The following MEP1A variants were observed in gnomAD, a reference collection of about 807,000 sequenced individuals.
The protein encoded by MEP1A is N-benzoyl-L-tyrosyl-P-amino-benzoic acid hydrolase subunit alpha.
A neutral mutation model predicts 84.5 loss-of-function variants in MEP1A; 68 were observed. The ratio of observed to expected loss-of-function variants is 0.80; its 90% confidence interval spans 0.66 to 0.98. MEP1A has a LOEUF of 0.98. Ranked by LOEUF, MEP1A falls within the 50% of genes least tolerant of loss-of-function variation. MEP1A has a pLI of 0.00. For synonymous variants in MEP1A, 337 were observed against 336.8 expected, an observed-to-expected ratio of 1.00 and a Z score of -0.01; for missense variants, 887 against 919.9, an observed-to-expected ratio of 0.96 and a Z score of 0.46.
At chr6:46,806,993 T>C (rs1767340942) in intron 5 of MEP1A, among the ~76,000 whole-genome samples, 1 of 152,026 alleles carries the variant, frequency 6.6e-6, no homozygotes, top group Non-Finnish European at 1.5e-5. Flanking sequence ...TTTATTTTCT[T>C]ATTTTTTCAA....
intron 13 of MEP1A, among the ~76,000 whole-genome samples, chr6:46,837,000 A>C (rs1768231037): frequency 6.6e-6 from 1 of 152,044 alleles, no homozygotes; most frequent in Non-Finnish European, 1.5e-5. Context: ...AAGAGTTACC[A>C]TTTCTCCCTC....
intron 10 of MEP1A, among the ~76,000 whole-genome samples, chr6:46,830,576 A>G (rs745585513): frequency 2.0e-5 from 3 of 152,220 alleles, no homozygotes; most frequent in Non-Finnish European, 4.4e-5. Context: ...TACTTTGTTT[A>G]TAACCCTGGA....
intron 10 of MEP1A, among the ~76,000 whole-genome samples, chr6:46,832,031 G>C (rs1157928292): frequency 6.7e-6 from 1 of 148,224 alleles, no homozygotes; most frequent in Non-Finnish European, 1.5e-5. Flanking sequence ...GTTGTACTTA[G>C]AGAGAATGGC....
intron 5 of MEP1A, among the ~76,000 whole-genome samples, chr6:46,805,665 A>G (rs944666702): frequency 6.6e-6 from 1 of 151,788 alleles, no homozygotes; most frequent in Non-Finnish European, 1.5e-5. Context: ...CCTGTATGTA[A>G]TGTCTTTTTT....
At chr6:46,819,429 A>G in intron 6 of MEP1A, 100 bp from the exon 7 acceptor site, 1 of 948,974 alleles carries the variant, frequency 1.1e-6, no homozygotes. Flanking sequence ...TCTTTCTAAA[A>G]TCAAGCCTAA....
At chr6:46,805,984 C>T (rs1044787069) in intron 5 of MEP1A, among the ~76,000 whole-genome samples, 3 of 151,918 alleles carry the variant, frequency 2.0e-5, no homozygotes, top group Admixed American at 2.0e-4. Context: ...CTTTTACCAT[C>T]GCCAGTCAGC....
intron 10 of MEP1A, 46 bp downstream of exon 10, chr6:46,829,617 G>T: frequency 4.3e-6 from 6 of 1,398,288 alleles, no homozygotes; most frequent in Non-Finnish European, 6.1e-6. Flanking sequence ...TTAAAATCCG[G>T]GATCCTGCTT....
chr6:46,835,456 A>G lies in MEP1A; in HGVS notation c.1991A>G (p.His664Arg), dbSNP rs974265060. ...SVENTGPLED[H>R]NWPQYFRDPC... ...GAGAACACAGGCCCCCTGGAGGACC[A>G]TAACTGGCCACAGTACTTCAGAGAC... Residue 664 changes from histidine to arginine, a missense_variant, in exon 13 of 14, where the codon CAT becomes CGT. Coordinates refer to ENST00000230588, the MANE Select transcript of MEP1A (RefSeq NM_005588.3). The G allele has an allele frequency of 6.2e-7, 1 of 1,612,826 alleles. No homozygotes were observed. Among genetic ancestry groups the G allele is most frequent in the Non-Finnish European group, 8.5e-7 (1 of 1,179,560 alleles).
chr6:46,842,735 C>T (rs1287117360), downstream of MEP1A, among the ~76,000 whole-genome samples: 1 of 152,106 alleles, frequency 6.6e-6, no homozygotes, highest in Non-Finnish European at 1.5e-5. Context: ...TATACCCCCT[C>T]CCCTTTTAAA....
intron 5 of MEP1A, among the ~76,000 whole-genome samples, chr6:46,807,823 GAAA>G (rs1562107124): frequency 5.4e-5 from 8 of 149,012 alleles, no homozygotes; most frequent in East Asian, 3.9e-4. Flanking sequence ...AAGAAAGAAA[GAAA>G]GAAAGAAAGA....
At chr6:46,806,921 CT>C (rs1767339200) in intron 5 of MEP1A, among the ~76,000 whole-genome samples, 1 of 151,944 alleles carries the variant, frequency 6.6e-6, no homozygotes, top group African/African-American at 2.4e-5. Context: ...AATTTTCCTT[CT>C]TTTAAGAAAA....
intron 7 of MEP1A, among the ~76,000 whole-genome samples, 164 bp from the exon 8 acceptor site, chr6:46,825,107 AT>A (rs1309535346): frequency 7.0e-6 from 1 of 142,700 alleles, no homozygotes; most frequent in Non-Finnish European, 1.5e-5. Context: ...ATTTAAATAA[AT>A]CTATTTAAAT....
intron 6 of MEP1A, among the ~76,000 whole-genome samples, chr6:46,818,103 G>A (rs1376258470): frequency 6.6e-6 from 1 of 152,160 alleles, no homozygotes; most frequent in Admixed American, 6.5e-5. Context: ...ATTTTGCAGA[G>A]TAAACTCTGA....
intron 11 of MEP1A, 71 bp from the exon 12 acceptor site, chr6:46,834,507 C>G (rs1768164940): frequency 1.4e-6 from 1 of 705,350 alleles, no homozygotes; most frequent in South Asian, 2.9e-5. Flanking sequence ...GCCCTGTATC[C>G]TCATTAAAGA....
chr6:46,796,536 C>A (rs191387166), intron 3 of MEP1A, among the ~76,000 whole-genome samples: 2 of 152,234 alleles, frequency 1.3e-5, no homozygotes, highest in Admixed American at 6.5e-5. Flanking sequence ...TGTATGTCTC[C>A]TTCTTCCCCC....
At chr6:46,813,979 A>C (rs1368218481) in intron 6 of MEP1A, among the ~76,000 whole-genome samples, 2 of 152,148 alleles carry the variant, frequency 1.3e-5, no homozygotes, top group African/African-American at 4.8e-5. Flanking sequence ...CACAGCTCTT[A>C]AGATTCTTTC....
intron 6 of MEP1A, among the ~76,000 whole-genome samples, chr6:46,816,500 G>T (rs969471518): frequency 6.6e-6 from 1 of 151,820 alleles, no homozygotes; most frequent in Non-Finnish European, 1.5e-5. Context: ...GTTGAGATGA[G>T]TGTTAGAGAG....
Position 46,833,389 on chromosome 6 carries a change from A to G in MEP1A, c.1460A>G (p.His487Arg). ...TCTGGTTACTTGAGACTTGCTTTTC[A>G]TGTGTGCAGTGGGGAGAACGATGCT... is the stretch of plus-strand genomic sequence containing the variant. ...ESSGYLRLAF[H>R]VCSGENDAIL... The change falls in exon 11 of 14, where the codon CAT becomes CGT. Residue 487 changes from histidine to arginine, a missense_variant. By Grantham distance (29) the His-to-Arg change is conservative (BLOSUM62 0). Coordinates refer to ENST00000230588, the MANE Select transcript of MEP1A (RefSeq NM_005588.3). 6.2e-7 allele frequency: 1 copy of G among 1,614,188 alleles called. No individual in the cohort carries two copies.
intron 12 of MEP1A, 134 bp from the exon 13 acceptor site, chr6:46,835,115 T>C: frequency 1.3e-6 from 1 of 770,638 alleles, no homozygotes. Flanking sequence ...ATCAGCTGGA[T>C]TCAAAGCCAC....
Sources: gnomAD v4.1 joint callset for allele counts (sites outside exome capture counted in the v4.1 genomes callset) on GRCh38, gnomAD v4.1.1 for gene constraint, MANE v1.5 for transcripts, NCBI Gene and HGNC (gene_info 2026-07-23, HGNC 2026-07-21) for gene names.